Variants in ZNF608 observed in about 807,000 individuals in gnomAD.
ZNF608 encodes the protein zinc finger protein 608.
A neutral mutation model predicts 109.0 loss-of-function variants in ZNF608; 12 were observed. That is an observed-to-expected ratio of 0.11 (90% CI 0.07 to 0.18). The LOEUF is 0.18. Among genes scored for constraint, ZNF608 ranks in the 10% least tolerant of loss-of-function variants. The pLI is 1.00. For missense variants in ZNF608, 1,707 were observed against 1,879.3 expected (o/e 0.91, Z 1.70); for synonymous variants, 732 against 717.4 (o/e 1.02, Z -0.33).
In ZNF608 at chr5:124,744,331, C is replaced by G. The variant is rs904744786; in HGVS notation, c.659G>C (p.Gly220Ala). 1 of 1,614,096 alleles carries G rather than the reference C, an allele frequency of 6.2e-7. No individual in the cohort carries two copies. Among genetic ancestry groups the G allele is most frequent in the African/African-American group, 1.3e-5 (1 of 74,950 alleles). ...CTGGCTGCCACTGCCATTCTGGTGGCCCTGAAGCAGGTCGTGCTTGTCCTT... is the reference window on the plus strand; with the variant it reads ...CTGGCTGCCACTGCCATTCTGGTGGGCCTGAAGCAGGTCGTGCTTGTCCTT... Reference protein sequence around the residue: ...SRKDKHDLLQGHQNGSGSQAP... With the variant: ...SRKDKHDLLQAHQNGSGSQAP... The change falls in exon 2 of 10, where the codon GGC becomes GCC. Residue 220 changes from glycine to alanine, a missense_variant. Coordinates refer to ENST00000513986, the MANE Select transcript of ZNF608 (RefSeq NM_020747.3). This position sits in a 1 kb window ranked among gnomAD's most constrained non-coding sequence, Gnocchi z 4.5.
rs751689169 is a variant in ZNF608 at position 124,744,131 on chromosome 5, C to T, written c.859G>A (p.Glu287Lys). The change falls in exon 2 of 10, where the codon GAG becomes AAG. Residue 287 changes from glutamate to lysine, a missense_variant. Coordinates refer to ENST00000513986, the MANE Select transcript of ZNF608 (RefSeq NM_020747.3). This position sits in a 1 kb window ranked among gnomAD's most constrained non-coding sequence, Gnocchi z 4.5. The stretch of plus-strand genomic sequence containing the variant: ...ATTCGCCTGTGGCTCTCCTCCTCCT[C>T]CTCTTCCTTCTTTACCAACATAGAG... ...GNSMLVKKEE[E>K]EEESHRRIKK... is the part of the protein sequence containing the mutation. 2 of 1,609,590 alleles carry T rather than the reference C, an allele frequency of 1.2e-6. No homozygotes were observed. Among genetic ancestry groups the T allele is most frequent in the South Asian group, 2.2e-5 (2 of 90,458 alleles).
At position 124,744,686 on chromosome 5, in the gene ZNF608, T is replaced by C. The variant is rs139312462; in HGVS notation, c.304A>G (p.Ser102Gly). The change falls in exon 2 of 10, where the codon AGC (serine) becomes GGC (glycine). Residue 102 changes from serine (S) to glycine (G), a missense_variant. Physicochemically the swap from Ser to Gly is moderately conservative, Grantham distance 56. Around this residue, in one of 7 missense-constraint regions of ZNF608, gnomAD observed 407 missense variants for 398.7 expected, o/e 1.02. Coordinates refer to ENST00000513986, the MANE Select transcript of ZNF608 (RefSeq NM_020747.3). This position sits in a 1 kb window ranked among gnomAD's most constrained non-coding sequence, Gnocchi z 4.5. ...APQGNSHKET[S>G]KSKVKRSKTS... ...TTACTCCTTTTCACTTTTGATTTGC[T>C]GGTCTCTTTGTGTGAATTCCCCTGG... 1,492 of 1,614,222 alleles carry C rather than the reference T, an allele frequency of 9.2e-4. 1 individual carries two copies. Among genetic ancestry groups the C allele is most frequent in the Admixed American group, 1.7e-3 (100 of 60,034 alleles).
At chr5:124,668,106 C>A (rs1317924465) in intron 3 of ZNF608, among the ~76,000 whole-genome samples, 2 of 151,180 alleles carry the variant, frequency 1.3e-5, no homozygotes, top group African/African-American at 4.9e-5. Context: ...AATACCAGAA[C>A]TTTGGGAGGC....
intron 2 of ZNF608, among the ~76,000 whole-genome samples, chr5:124,742,220 C>A (rs1265190144): frequency 6.6e-6 from 1 of 152,162 alleles, no homozygotes; most frequent in Non-Finnish European, 1.5e-5. Context: ...GAAACGACAC[C>A]ACGCTCTAAT....
intron 3 of ZNF608, among the ~76,000 whole-genome samples, chr5:124,690,490 T>C (rs1243587639): frequency 1.3e-5 from 2 of 152,164 alleles, no homozygotes; most frequent in African/African-American, 4.8e-5. Context: ...TATGGGAAAT[T>C]TTTGTACCTT....
At chr5:124,713,071 CG>C (rs1337863245) in intron 2 of ZNF608, among the ~76,000 whole-genome samples, 1 of 152,202 alleles carries the variant, frequency 6.6e-6, no homozygotes, top group Non-Finnish European at 1.5e-5. Flanking sequence ...CCACCTGATT[CG>C]GGCCTTCCCA....
intron 3 of ZNF608, among the ~76,000 whole-genome samples, chr5:124,659,998 C>G (rs888392747): frequency 5.3e-5 from 8 of 152,246 alleles, no homozygotes; most frequent in African/African-American, 1.2e-4. Flanking sequence ...TCCTACCGCT[C>G]TGCTGGCCAC....
At chr5:124,705,810 C>A (rs575255206) in intron 2 of ZNF608, among the ~76,000 whole-genome samples, 1 of 152,300 alleles carries the variant, frequency 6.6e-6, no homozygotes, top group South Asian at 2.1e-4. Flanking sequence ...TGATGAGTCC[C>A]GTACTACTAC....
At chr5:124,685,313 AT>A (rs1752364108) in intron 3 of ZNF608, among the ~76,000 whole-genome samples, 1 of 151,742 alleles carries the variant, frequency 6.6e-6, no homozygotes, top group South Asian at 2.1e-4. Flanking sequence ...CTTTTCATTA[AT>A]GATCGGAATG....
chr5:124,662,434 C>G (rs114217693), intron 3 of ZNF608, among the ~76,000 whole-genome samples: 2,008 of 152,350 alleles, frequency 0.013, 27 homozygotes, highest in African/African-American at 0.035. Context: ...AACATTAGTG[C>G]TTCGCACTGG....
intron 3 of ZNF608, among the ~76,000 whole-genome samples, chr5:124,654,270 C>G (rs768431167): frequency 3.3e-5 from 5 of 152,098 alleles, no homozygotes; most frequent in Admixed American, 2.6e-4. Context: ...AATCCTCCCC[C>G]GTCAGCCTCC....
In ZNF608 at chr5:124,647,061, T is replaced by C. The variant is rs1229901395; in HGVS notation, c.3323A>G (p.Tyr1108Cys). The C allele has an allele frequency of 3.1e-6, 5 of 1,614,096 alleles. No individual in the cohort carries two copies. The highest frequency in any genetic ancestry group is 1.6e-4 in the Middle Eastern group (1 of 6,062). ...CTCTGCCAGCCTCTGGTCCTCATAG[T>C]ACTTCTCATACTGCTGTCTATAGGC... The part of the protein sequence containing the change: ...SPAYRQQYEK[Y>C]YEDQRLAEQK... Residue 1108 changes from tyrosine to cysteine, a missense_variant, in exon 5 of 10, where the codon TAC (tyrosine) becomes TGC (cysteine). By Grantham distance (194) the Tyr-to-Cys change is radical. Transcript: ENST00000513986.
intron 2 of ZNF608, among the ~76,000 whole-genome samples, chr5:124,721,234 A>T (rs1198661612): frequency 6.6e-6 from 1 of 152,196 alleles, no homozygotes; most frequent in Non-Finnish European, 1.5e-5. Flanking sequence ...ATTCCCATCA[A>T]TGTTTTTGCC....
At chr5:124,730,290 A>T (rs941749577) in intron 2 of ZNF608, among the ~76,000 whole-genome samples, 3 of 152,220 alleles carry the variant, frequency 2.0e-5, no homozygotes, top group Non-Finnish European at 2.9e-5. Context: ...CCCTCTTCAG[A>T]GTTTACTTTA....
intron 3 of ZNF608, among the ~76,000 whole-genome samples, chr5:124,691,147 G>A (rs1047350196): frequency 7.9e-5 from 12 of 152,140 alleles, no homozygotes; most frequent in African/African-American, 2.9e-4. Flanking sequence ...GCACACATCT[G>A]TAGGCCCATC....
At chr5:124,717,084 A>G (rs544875962) in intron 2 of ZNF608, among the ~76,000 whole-genome samples, 1 of 152,240 alleles carries the variant, frequency 6.6e-6, no homozygotes, top group Admixed American at 6.5e-5. Flanking sequence ...CTCCATCTCA[A>G]AATAAAGTAA....
chr5:124,662,434 C>T (rs114217693), intron 3 of ZNF608, among the ~76,000 whole-genome samples: 1 of 152,240 alleles, frequency 6.6e-6, no homozygotes, highest in Non-Finnish European at 1.5e-5. Flanking sequence ...AACATTAGTG[C>T]TTCGCACTGG....
At chr5:124,741,363 T>C (rs1749387395) in intron 2 of ZNF608, among the ~76,000 whole-genome samples, 1 of 138,650 alleles carries the variant, frequency 7.2e-6, no homozygotes, top group Non-Finnish European at 1.5e-5. Context: ...TGACAGCAAG[T>C]CTTATGAATC....
chr5:124,719,079 T>TACATG (rs1320793173), intron 2 of ZNF608, among the ~76,000 whole-genome samples: 1 of 152,250 alleles, frequency 6.6e-6, no homozygotes, highest in Admixed American at 6.5e-5. Flanking sequence ...AACATGGTTC[T>TACATG]TTTCAATGTA....
Sources: gnomAD v4.1 joint callset for allele counts (sites outside exome capture counted in the v4.1 genomes callset) on GRCh38, gnomAD v4.1.1 for gene constraint, gnomAD v4.1.1 regional missense constraint, Gnocchi (gnomAD v3.1) non-coding constraint, MANE v1.5 for transcripts, NCBI Gene and HGNC (gene_info 2026-07-23, HGNC 2026-07-21) for gene names.